Variants in NFATC1 observed in about 807,000 individuals in gnomAD.
NFATC1 encodes the protein nuclear factor of activated T-cells, cytoplasmic 1.
In NFATC1, 22 loss-of-function variants were observed where a neutral mutation model predicts 76.0. The observed-to-expected ratio is 0.29, with a 90% CI of 0.21 to 0.41. NFATC1 has a LOEUF of 0.41. NFATC1 is among the 10% of genes least tolerant of loss of function. NFATC1 has a pLI of 1.00. For synonymous variants in NFATC1, 704 were observed against 613.1 expected (o/e 1.15, Z -2.19); for missense variants, 1,357 against 1,337.7 (o/e 1.01, Z -0.23).
rs1434278069 is a variant in NFATC1 at position 79,427,821 on chromosome 18, G to A, written c.1227-5758G>A. On this transcript the variant is annotated intron_variant, in intron 2 of 9. Transcript: ENST00000427363. ...AACTGCCCTCTGTGCAGGGGTCGGG[G>A]GGAGCTGGATGGCTGGCCTCTGTGG... is the stretch of plus-strand genomic sequence containing the variant. 2.1e-5 allele frequency among the ~76,000 whole-genome samples: 3 copies of A among 144,238 alleles called. No homozygotes were observed. The East Asian group carries it at 6.3e-4, about 30-fold the overall frequency. The allele number at this position is 144,238 out of a possible 152,430, so 94.6% of individuals were successfully genotyped here. A position where few individuals can be genotyped will look rare whatever the true frequency, so the allele number is the denominator to read the frequency against.
intron 9 of NFATC1, among the ~76,000 whole-genome samples, chr18:79,510,452 C>T (rs1452491795): frequency 2.0e-5 from 3 of 152,184 alleles, no homozygotes; most frequent in African/African-American, 4.8e-5. Flanking sequence ...GAGATGAATG[C>T]GGCCCTACCT....
chr18:79,401,665 C>T lies in NFATC1; in HGVS notation c.127+5314C>T, dbSNP rs571932154. Reference sequence around the variant, plus strand: ...GGTGTGCCATGCGAGAGTGTCGCCCCACTCCCGACCTCTCTTTATGGGGTG... The same window carrying T: ...GGTGTGCCATGCGAGAGTGTCGCCCTACTCCCGACCTCTCTTTATGGGGTG... On this transcript the variant is annotated intron_variant, in intron 1 of 9. Coordinates refer to ENST00000427363, the MANE Select transcript of NFATC1 (RefSeq NM_001278669.2). 3.9e-5 allele frequency among the ~76,000 whole-genome samples: 6 copies of T among 152,364 alleles called. No homozygotes were observed. In the South Asian group the frequency reaches 1.2e-3, roughly 32 times the overall value.
intron 7 of NFATC1, among the ~76,000 whole-genome samples, chr18:79,463,537 G>T (rs570789632): frequency 7.3e-5 from 10 of 136,150 alleles, no homozygotes; most frequent in Non-Finnish European, 1.4e-4. Flanking sequence ...TGCCCATAAG[G>T]TCTGTGGCTC....
Position 79,514,886 on chromosome 18 carries a change from A to G in NFATC1, c.2783-12642A>G, listed in dbSNP as rs114926627. Among the ~76,000 whole-genome samples the G allele has an allele frequency of 3.0e-3, 455 of 151,958 alleles. 11 individuals carry two copies. The highest frequency in any genetic ancestry group is 4.5e-3 in the African/African-American group (186 of 41,450). ...CATAGCAAGACCCTGTCTCTATACA[A>G]TTTAAAAATTAGCCAGGCATGGTAG... On this transcript the variant is annotated intron_variant, in intron 9 of 9. Transcript: ENST00000427363.
chr18:79,478,919 G>A (rs532034648), intron 8 of NFATC1, among the ~76,000 whole-genome samples: 28 of 152,306 alleles, frequency 1.8e-4, no homozygotes, highest in African/African-American at 6.3e-4. Context: ...CTGCGGGGAC[G>A]GTTTACCTGT....
At chr18:79,442,643 G>A (rs1286184565) in intron 3 of NFATC1, among the ~76,000 whole-genome samples, 4 of 152,212 alleles carry the variant, frequency 2.6e-5, no homozygotes, top group East Asian at 1.9e-4. Context: ...GTGCGGTGGC[G>A]GCGGCGGGTG....
chr18:79,397,611 A>C (rs992295645), intron 1 of NFATC1, among the ~76,000 whole-genome samples: 2 of 152,236 alleles, frequency 1.3e-5, no homozygotes, highest in Non-Finnish European at 2.9e-5. Context: ...TGTTTTACAC[A>C]ATGTGCTCTT....
At position 79,451,843 on chromosome 18, in the gene NFATC1, C is replaced by T. The variant is rs755640058; in HGVS notation, c.1903+27C>T. 121 of 1,584,460 alleles carry T rather than the reference C, an allele frequency of 7.6e-5. No homozygotes were observed. In the Admixed American group the frequency reaches 1.8e-3, roughly 23 times the overall value. ...TATGCTCTTCACCAGGGGCCATCTG[C>T]GGCCTGGGCTTCGGCGCTGGTGGGA... On this transcript the variant is annotated intron_variant, in intron 6 of 9. Coordinates refer to ENST00000427363, the MANE Select transcript of NFATC1 (RefSeq NM_001278669.2).
chr18:79,437,982 A>G (rs1047260918), intron 3 of NFATC1, among the ~76,000 whole-genome samples: 1 of 152,232 alleles, frequency 6.6e-6, no homozygotes, highest in Non-Finnish European at 1.5e-5. Context: ...GCACCCGGGC[A>G]CAGCCATTGA....
chr18:79,450,732 T>C (rs1391199978), intron 4 of NFATC1, among the ~76,000 whole-genome samples: 1 of 152,164 alleles, frequency 6.6e-6, no homozygotes, highest in Admixed American at 6.5e-5. Context: ...CTGCCTCTGC[T>C]TGCCCCCTCG....
intron 6 of NFATC1, among the ~76,000 whole-genome samples, chr18:79,460,519 A>C (rs2144859005): frequency 6.6e-6 from 1 of 152,294 alleles, no homozygotes; most frequent in African/African-American, 2.4e-5. Flanking sequence ...CCAGGCCTGG[A>C]GCAGAGAGCA....
chr18:79,517,862 T>C (rs1233216572), intron 9 of NFATC1, among the ~76,000 whole-genome samples: 4 of 152,226 alleles, frequency 2.6e-5, no homozygotes, highest in East Asian at 3.8e-4. Context: ...TGAACAAATA[T>C]GCTTTTTAAA....
chr18:79,490,101 C>T (rs1280842490), intron 9 of NFATC1, among the ~76,000 whole-genome samples: 2 of 152,200 alleles, frequency 1.3e-5, no homozygotes, highest in Admixed American at 1.3e-4. Context: ...CCCCCGCCCC[C>T]GCCCCCCCGT....
intron 3 of NFATC1, among the ~76,000 whole-genome samples, chr18:79,441,395 ATTTCGGTT>A (rs2086970738): frequency 6.6e-6 from 1 of 151,862 alleles, no homozygotes; most frequent in South Asian, 2.1e-4. Context: ...CTCCCCCGTG[ATTTCGGTT>A]TTGATGTGTT....
At chr18:79,526,834 G>A (rs1309619064) in intron 9 of NFATC1, among the ~76,000 whole-genome samples, 1 of 152,220 alleles carries the variant, frequency 6.6e-6, no homozygotes, top group Admixed American at 6.5e-5. Flanking sequence ...TGGGCTCTGG[G>A]CGCTCCAGCC....
At chr18:79,518,193 C>T (rs982950738) in intron 9 of NFATC1, among the ~76,000 whole-genome samples, 1 of 152,234 alleles carries the variant, frequency 6.6e-6, no homozygotes, top group Non-Finnish European at 1.5e-5. Flanking sequence ...TGCAGGTGAC[C>T]AGGTAGAGGC....
chr18:79,469,316 T>TA (rs2088677609), intron 8 of NFATC1: 2 of 985,456 alleles, frequency 2.0e-6, no homozygotes, highest in Non-Finnish European at 2.4e-6. Context: ...TTTTCTTATT[T>TA]GCTCAGCATG....
intron 1 of NFATC1, among the ~76,000 whole-genome samples, chr18:79,407,875 G>T (rs1384404183): frequency 2.6e-5 from 4 of 152,190 alleles, no homozygotes; most frequent in Non-Finnish European, 2.9e-5. Context: ...TCCCCAAGGC[G>T]CTCAGCCTCA....
chr18:79,455,738 CCCCCATCTCACGGCCG>C (rs1229449020), intron 6 of NFATC1, among the ~76,000 whole-genome samples: 19 of 114,166 alleles, frequency 1.7e-4, no homozygotes, highest in African/African-American at 4.4e-4. Flanking sequence ...CCCAGCTCGC[CCCCCATCTCACGGCCG>C]CCCCATCCCA....
Sources: gnomAD v4.1 joint callset for allele counts (sites outside exome capture counted in the v4.1 genomes callset) on GRCh38, gnomAD v4.1.1 for gene constraint, MANE v1.5 for transcripts, NCBI Gene and HGNC (gene_info 2026-07-23, HGNC 2026-07-21) for gene names.